The following ATXN7 variants were observed in gnomAD, a reference collection of about 807,000 sequenced individuals.
ATXN7 encodes the protein ataxin 7, also known as ataxin-7.
In ATXN7, 12 loss-of-function variants were observed where a neutral mutation model predicts 70.5. The ratio of observed to expected loss-of-function variants is 0.17; its 90% CI spans 0.11 to 0.28. ATXN7 has a LOEUF of 0.28. ATXN7 is among the 10% of genes least tolerant of loss of function. ATXN7 has a pLI of 1.00. For synonymous variants in ATXN7, 498 were observed against 448.7 expected (o/e 1.11, Z -1.39); for missense variants, 1,256 against 1,131.7 (o/e 1.11, Z -1.58).
intron 1 of ATXN7, among the ~76,000 whole-genome samples, 154 bp downstream of exon 1, chr3:63,864,312 G>A (rs1702334738): frequency 6.6e-6 from 1 of 151,952 alleles, no homozygotes; most frequent in Non-Finnish European, 1.5e-5. Context: ...GTTTCCCTGG[G>A]GGGTGGGGAG....
At chr3:63,875,169 G>A (rs865968221) in intron 1 of ATXN7, among the ~76,000 whole-genome samples, 6 of 151,794 alleles carry the variant, frequency 4.0e-5, no homozygotes, top group Non-Finnish European at 5.9e-5. Flanking sequence ...TGTCCAGGCC[G>A]GTCTTGAACT....
chr3:63,868,631 A>G (rs1324388749), intron 1 of ATXN7, among the ~76,000 whole-genome samples: 1 of 152,148 alleles, frequency 6.6e-6, no homozygotes, highest in African/African-American at 2.4e-5. Flanking sequence ...GTGGAAAATG[A>G]TGGTTTATTT....
chr3:63,910,320 A>G (rs1394694767), intron 2 of ATXN7, among the ~76,000 whole-genome samples: 1 of 152,230 alleles, frequency 6.6e-6, no homozygotes, highest in Non-Finnish European at 1.5e-5. Flanking sequence ...AGCTGTACTC[A>G]ACAAGCAAGC....
chr3:63,909,664 C>T (rs1703947639), intron 2 of ATXN7, among the ~76,000 whole-genome samples: 1 of 152,174 alleles, frequency 6.6e-6, no homozygotes, highest in African/African-American at 2.4e-5. Flanking sequence ...TTTGGTGACT[C>T]ATTCCAACTT....
intron 4 of ATXN7, among the ~76,000 whole-genome samples, chr3:63,926,520 A>G (rs1029117289): frequency 7.2e-5 from 11 of 152,140 alleles, no homozygotes; most frequent in African/African-American, 2.7e-4. Context: ...TGGAGAGGCC[A>G]GTGTGGAGAG....
In ATXN7 at chr3:63,995,525, G is replaced by A. The variant is rs370744607; in HGVS notation, c.1703G>A (p.Ser568Asn). 3.1e-6 allele frequency: 5 copies of A among 1,614,000 alleles called. No individual in the cohort carries two copies. The African/African-American group carries it at 5.3e-5, about 17-fold the overall frequency. Residue 568 changes from serine to asparagine, a missense_variant, in exon 12 of 13, where the codon AGT (serine) becomes AAT (asparagine). Ser to Asn is a conservative substitution (Grantham distance 46). Transcript: ENST00000674280. ...QLWKKIPPVPSTTSPISTRIP... is the reference protein window; with the variant it reads ...QLWKKIPPVPNTTSPISTRIP... ...TTCAGGAAAATCCCACCAGTGCCCA[G>A]TACCACCTCACCCATCTCCACACGT... is the stretch of plus-strand genomic sequence containing the variant.
intron 1 of ATXN7, chr3:63,865,353 A>C (rs1325466407): frequency 6.6e-6 from 1 of 152,186 alleles, no homozygotes; most frequent in African/African-American, 2.4e-5. Flanking sequence ...TTACATGAAG[A>C]TTCTGAGATG....
At chr3:63,937,167 C>T (rs527418131) in intron 4 of ATXN7, among the ~76,000 whole-genome samples, 2 of 152,258 alleles carry the variant, frequency 1.3e-5, no homozygotes, top group South Asian at 4.1e-4. Context: ...TACTGATAAG[C>T]ATGGACGTAA....
At chr3:63,996,707 T>C in intron 12 of ATXN7, 1 of 580,528 alleles carries the variant, frequency 1.7e-6, no homozygotes, top group Non-Finnish European at 3.0e-6. Context: ...TTGGAAGATG[T>C]TCTTCAGTAA....
chr3:63,898,895 C>G (rs1023824671), intron 2 of ATXN7, among the ~76,000 whole-genome samples: 1 of 152,042 alleles, frequency 6.6e-6, no homozygotes, highest in African/African-American at 2.4e-5. Context: ...TAATGTAGAC[C>G]CAGCTGCTTA....
intron 5 of ATXN7, among the ~76,000 whole-genome samples, chr3:63,953,911 G>A (rs1559644556): frequency 6.6e-6 from 1 of 152,124 alleles, no homozygotes; most frequent in Non-Finnish European, 1.5e-5. Flanking sequence ...GCCTCCCAAA[G>A]TGCTAGGATT....
At chr3:63,990,089 T>TA (rs2075644466) in intron 9 of ATXN7, 87 bp from the exon 10 acceptor site, 1 of 1,317,056 alleles carries the variant, frequency 7.6e-7, no homozygotes, top group Admixed American at 1.9e-5. Flanking sequence ...TCTGCTAGGT[T>TA]GTTTTGGACA....
chr3:63,885,996 C>G (rs556240233), intron 1 of ATXN7, among the ~76,000 whole-genome samples: 11 of 152,030 alleles, frequency 7.2e-5, no homozygotes, highest in Non-Finnish European at 1.2e-4. Context: ...CAGAGCGAGA[C>G]TGGGTCTCAA....
intron 2 of ATXN7, among the ~76,000 whole-genome samples, chr3:63,910,852 GTA>G (rs1313692468): frequency 6.8e-6 from 1 of 147,918 alleles, no homozygotes; most frequent in African/African-American, 2.7e-5. Context: ...GTATGTGTAA[GTA>G]TGTGTGTGTG....
At chr3:63,982,502 T>TG in intron 7 of ATXN7, 57 bp downstream of exon 7, 1 of 1,420,646 alleles carries the variant, frequency 7.0e-7, no homozygotes. Context: ...TGGGCATTCG[T>TG]GGGGAGCAAA....
At chr3:63,981,105 G>A (rs2075479677) in intron 6 of ATXN7, among the ~76,000 whole-genome samples, 1 of 152,166 alleles carries the variant, frequency 6.6e-6, no homozygotes, top group South Asian at 2.1e-4. Context: ...TCCAAGATCC[G>A]GTAACCTGGT....
intron 4 of ATXN7, among the ~76,000 whole-genome samples, chr3:63,913,690 A>G (rs1373755525): frequency 6.6e-6 from 1 of 152,202 alleles, no homozygotes; most frequent in Non-Finnish European, 1.5e-5. Flanking sequence ...ATGTTAGAAA[A>G]AGGTCATCAT....
At chr3:63,866,872 G>A (rs1013193569) in intron 1 of ATXN7, 1 of 151,844 alleles carries the variant, frequency 6.6e-6, no homozygotes, top group Non-Finnish European at 1.5e-5. Context: ...CACAGAAATG[G>A]AAGTAGCAGA....
chr3:63,913,980 CTAGGCCTGGGCA>C (rs1482922438), intron 4 of ATXN7, among the ~76,000 whole-genome samples: 36 of 152,282 alleles, frequency 2.4e-4, no homozygotes, highest in African/African-American at 8.7e-4. Flanking sequence ...AATACCTGCA[CTAGGCCTGGGCA>C]TACCGTGGTC....
Sources: allele counts gnomAD v4.1 joint callset (sites outside exome capture counted in the v4.1 genomes callset), GRCh38; gene constraint gnomAD v4.1.1; transcripts MANE v1.5; gene names NCBI Gene and HGNC (gene_info 2026-07-23, HGNC 2026-07-21).